The following MDGA2 variants were observed in gnomAD, a reference collection of about 807,000 sequenced individuals.
MDGA2 encodes MAM domain containing glycosylphosphatidylinositol anchor 2.
Under a neutral mutation model 117.8 loss-of-function variants are expected in MDGA2, and 40 were observed. The observed-to-expected ratio is 0.34, with a 90% CI of 0.26 to 0.44. MDGA2 has a LOEUF of 0.44. Among genes scored for constraint, MDGA2 ranks in the 20% least tolerant of loss-of-function variants. The probability of loss-of-function intolerance (pLI) is 1.00; values close to 1 mark genes in which losing one functional copy is unlikely to be tolerated. For missense variants in MDGA2, 1,123 were observed against 1,250.6 expected (o/e 0.90, Z 1.54); for synonymous variants, 452 against 439.0 (o/e 1.03, Z -0.37).
At chr14:47,060,647 C>T (rs896922004) in intron 7 of MDGA2, among the ~76,000 whole-genome samples, 5 of 152,002 alleles carry the variant, frequency 3.3e-5, no homozygotes, top group African/African-American at 1.2e-4. Flanking sequence ...AAACTAATAA[C>T]ATGTTTTCGT....
At position 47,035,243 on chromosome 14, in the gene MDGA2, T is replaced by C; in HGVS notation, c.1587A>G (p.Thr529=). 1 of 1,614,176 alleles carries C rather than the reference T, an allele frequency of 6.2e-7. No homozygotes were observed. Among genetic ancestry groups the C allele is most frequent in the African/African-American group, 1.3e-5 (1 of 75,064 alleles). Residue 529 remains threonine, a synonymous_variant, in exon 8 of 17, where the codon ACA becomes ACG. Transcript: ENST00000399232. ...KSPLVTREGD[T]IELQCQVTGK... The stretch of plus-strand genomic sequence containing the variant: ...CAGTTACTTGACATTGCAGTTCTAT[T>C]GTGTCTCCTTCTCTGGTGACCAATG...
chr14:47,290,898 C>T (rs908985633), intron 2 of MDGA2, among the ~76,000 whole-genome samples: 1 of 152,060 alleles, frequency 6.6e-6, no homozygotes, highest in Admixed American at 6.6e-5. Flanking sequence ...GTAGAATGTG[C>T]CCAGAACTCC....
At chr14:46,989,884 T>G (rs1021369594) in intron 8 of MDGA2, among the ~76,000 whole-genome samples, 8 of 152,108 alleles carry the variant, frequency 5.3e-5, no homozygotes, top group African/African-American at 1.7e-4. Flanking sequence ...GCCCATTTAG[T>G]TGAACTGAAA....
chr14:46,855,005 C>A lies in MDGA2; in HGVS notation c.2883+19G>T. ...ATGCTCATTTACAGCAATTAATTAG[C>A]CAAAACTACTTTTCTTACCTGAAAT... On this transcript the variant is annotated intron_variant, in intron 15 of 16. Coordinates refer to ENST00000399232, the MANE Select transcript of MDGA2 (RefSeq NM_001113498.3). The surrounding 1 kb of genome is among the most constrained non-coding windows in gnomAD (Gnocchi z 4.1). 6.3e-7 allele frequency: 1 copy of A among 1,577,900 alleles called. No individual in the cohort carries two copies. The highest frequency in any genetic ancestry group is 1.4e-5 in the African/African-American group (1 of 72,924).
At chr14:47,540,259 C>T (rs1211062195) in intron 1 of MDGA2, among the ~76,000 whole-genome samples, 3 of 151,916 alleles carry the variant, frequency 2.0e-5, no homozygotes, top group East Asian at 2.0e-4. Flanking sequence ...GTGATCCGCC[C>T]GCCTCGGCCT....
chr14:47,467,747 ATG>A (rs897024369), intron 1 of MDGA2, among the ~76,000 whole-genome samples: 1 of 151,988 alleles, frequency 6.6e-6, no homozygotes, highest in African/African-American at 2.4e-5. Flanking sequence ...TTCAATAAGT[ATG>A]TGTGTGTGTG....
At chr14:46,994,105 A>T (rs1039591272) in intron 8 of MDGA2, among the ~76,000 whole-genome samples, 1 of 152,098 alleles carries the variant, frequency 6.6e-6, no homozygotes, top group South Asian at 2.1e-4. Context: ...TTAAAGAAAT[A>T]TCTGAACACA....
At chr14:46,979,198 T>C (rs924625271) in intron 8 of MDGA2, among the ~76,000 whole-genome samples, 1 of 152,128 alleles carries the variant, frequency 6.6e-6, no homozygotes, top group African/African-American at 2.4e-5. Flanking sequence ...TATTATTGTT[T>C]TGGAATACCG....
At chr14:47,199,456 T>C (rs536715174) in intron 3 of MDGA2, among the ~76,000 whole-genome samples, 44 of 152,288 alleles carry the variant, frequency 2.9e-4, no homozygotes, top group Non-Finnish European at 5.6e-4. Context: ...GTTTCACTAA[T>C]TTGTTGCTTC....
chr14:47,046,384 T>C (rs1199246410), intron 7 of MDGA2, among the ~76,000 whole-genome samples: 1 of 151,622 alleles, frequency 6.6e-6, no homozygotes, highest in Non-Finnish European at 1.5e-5. Context: ...TTCTCACTCA[T>C]AGGTGGGAAT....
intron 1 of MDGA2, among the ~76,000 whole-genome samples, chr14:47,463,230 C>A (rs931810535): frequency 6.6e-6 from 1 of 151,944 alleles, no homozygotes; most frequent in Non-Finnish European, 1.5e-5. Context: ...TGTCCCATTC[C>A]ACTGAAAAAA....
intron 1 of MDGA2, among the ~76,000 whole-genome samples, chr14:47,416,162 T>C (rs897163878): frequency 1.3e-5 from 2 of 152,082 alleles, no homozygotes; most frequent in Non-Finnish European, 2.9e-5. Flanking sequence ...AAATCAGATA[T>C]GGATGAGACG....
At chr14:47,297,580 G>A (rs1204182027) in intron 2 of MDGA2, among the ~76,000 whole-genome samples, 1 of 152,030 alleles carries the variant, frequency 6.6e-6, no homozygotes, top group Non-Finnish European at 1.5e-5. Context: ...TCCTGAAGCT[G>A]TAGACATCTA....
chr14:47,519,047 T>TAG (rs2138708958), intron 1 of MDGA2, among the ~76,000 whole-genome samples: 1 of 151,988 alleles, frequency 6.6e-6, no homozygotes. Flanking sequence ...CTACTAAAAA[T>TAG]ACAAAAATTG....
intron 1 of MDGA2, among the ~76,000 whole-genome samples, chr14:47,557,861 T>C (rs1356152144): frequency 6.6e-6 from 1 of 152,202 alleles, no homozygotes; most frequent in Non-Finnish European, 1.5e-5. Flanking sequence ...TATTAATTTG[T>C]ACATTCAAAA....
rs1170962916 is a variant in MDGA2 at position 47,146,226 on chromosome 14, T to A, written c.596-1952A>T. ...TCCCCATTTTTTAAAAAGTTTTTTT[T>A]CAAATGTGATTCACTTGACAGCCCT... is the stretch of plus-strand genomic sequence containing the variant. On this transcript the variant is annotated intron_variant, in intron 3 of 16. Transcript: ENST00000399232. 2.6e-5 allele frequency among the ~76,000 whole-genome samples: 4 copies of A among 152,206 alleles called. No homozygotes were observed. In the East Asian group the frequency reaches 7.7e-4, roughly 29 times the overall value.
chr14:47,174,030 A>G (rs199503366), intron 3 of MDGA2, among the ~76,000 whole-genome samples: 10 of 151,552 alleles, frequency 6.6e-5, no homozygotes, highest in Admixed American at 2.0e-4. Context: ...TTAAACCAAC[A>G]AAGATCAAAA....
intron 1 of MDGA2, among the ~76,000 whole-genome samples, chr14:47,569,076 G>A (rs1044368983): frequency 6.6e-6 from 1 of 151,082 alleles, no homozygotes; most frequent in Admixed American, 6.6e-5. Flanking sequence ...ATCTAACCTT[G>A]TGGAGTTTTT....
intron 3 of MDGA2, among the ~76,000 whole-genome samples, chr14:47,171,129 C>A (rs564413807): frequency 6.6e-6 from 1 of 151,958 alleles, no homozygotes; most frequent in Admixed American, 6.6e-5. Context: ...AAAATCATAA[C>A]GTTTTAAAAA....
Sources: gnomAD v4.1 joint callset for allele counts (sites outside exome capture counted in the v4.1 genomes callset) on GRCh38, gnomAD v4.1.1 for gene constraint, Gnocchi (gnomAD v3.1) non-coding constraint, MANE v1.5 for transcripts, NCBI Gene and HGNC (gene_info 2026-07-23, HGNC 2026-07-21) for gene names.